FOLR2: variants seen among roughly 807,000 people sequenced by gnomAD.
FOLR2 encodes the protein folate receptor beta.
In FOLR2, 14 loss-of-function variants were observed where a neutral mutation model predicts 20.4. The ratio of observed to expected loss-of-function variants is 0.68; its 90% CI spans 0.45 to 1.07. FOLR2 has a LOEUF of 1.07. FOLR2 is among the 50% of genes least tolerant of loss of function. The pLI is 0.00. For missense variants in FOLR2, 269 were observed against 322.6 expected (o/e 0.83, Z 1.27); for synonymous variants, 114 against 114.3 (o/e 1.00, Z 0.02).
chr11:72,221,337 GA>G (rs1204978034), intron 4 of FOLR2, 26 bp downstream of exon 4: 5 of 1,607,176 alleles, frequency 3.1e-6, no homozygotes, highest in Non-Finnish European at 4.3e-6. Flanking sequence ...TTGGGGTTAG[GA>G]AAAAGGAGAT....
In FOLR2 at chr11:72,216,945, G is replaced by C. The variant is rs372642282; in HGVS notation, c.-25+20G>C. 60 of 1,599,322 alleles carry C rather than the reference G, an allele frequency of 3.8e-5. No individual in the cohort carries two copies. The highest frequency in any genetic ancestry group is 4.8e-5 in the Non-Finnish European group (57 of 1,179,684). On this transcript the variant is annotated intron_variant, in intron 1 of 4. Coordinates refer to ENST00000298223, the MANE Select transcript of FOLR2 (RefSeq NM_000803.5). ...GTTCAGGCAAGATGCCCGAAGGAGG[G>C]AAGGGTGACAAGGGCAGTGGGGAGA...
intron 2 of FOLR2, 99 bp from the exon 3 acceptor site, chr11:72,220,771 C>G: frequency 6.7e-7 from 1 of 1,487,946 alleles, no homozygotes; most frequent in East Asian, 2.4e-5. Context: ...GGACAACCTG[C>G]CTAGGGCAGA....
chr11:72,220,141 C>A (rs1035870583), intron 2 of FOLR2, among the ~76,000 whole-genome samples: 2 of 152,162 alleles, frequency 1.3e-5, no homozygotes, highest in Non-Finnish European at 2.9e-5. Context: ...CCACGCCCAG[C>A]CTGGCTTTTG....
In FOLR2 at chr11:72,221,202, C is replaced by G; in HGVS notation, c.366C>G (p.Arg122=). The change falls in exon 4 of 5, where the codon CGC becomes CGG. Residue 122 remains arginine (R), a synonymous_variant. Transcript: ENST00000298223. ...TGAATCAGAGCTGGCGCAAAGAACG[C>G]TTCCTGGATGTGCCCTTATGCAAAG... ...QQVNQSWRKE[R]FLDVPLCKED... is the part of the protein sequence containing the mutation. 1 of 1,613,298 alleles carries G rather than the reference C, an allele frequency of 6.2e-7. No homozygotes were observed. Among genetic ancestry groups the G allele is most frequent in the South Asian group, 1.1e-5 (1 of 90,922 alleles).
Position 72,220,907 on chromosome 11 carries a change from G to A in FOLR2, c.188G>A (p.Ser63Asn), listed in dbSNP as rs201333565. The A allele has an allele frequency of 1.9e-6, 3 of 1,613,924 alleles. No homozygotes were observed. Among genetic ancestry groups the A allele is most frequent in the Non-Finnish European group, 2.5e-6 (3 of 1,179,890 alleles). ...PWKKNACCTA[S>N]TSQELHKDTS... ...AAGAAGAATGCCTGCTGCACAGCCAGCACCAGCCAGGAGCTGCACAAGGAC... is the reference window on the plus strand; with the variant it reads ...AAGAAGAATGCCTGCTGCACAGCCAACACCAGCCAGGAGCTGCACAAGGAC... Residue 63 changes from serine to asparagine, a missense_variant, in exon 3 of 5, where the codon AGC becomes AAC. Coordinates refer to ENST00000298223, the MANE Select transcript of FOLR2 (RefSeq NM_000803.5).
intron 2 of FOLR2, among the ~76,000 whole-genome samples, chr11:72,219,980 T>C (rs1344591545): frequency 6.6e-6 from 1 of 152,044 alleles, no homozygotes; most frequent in African/African-American, 2.4e-5. Context: ...CCCAAGTAGC[T>C]GGGGCACCCG....
At position 72,221,619 on chromosome 11, in the gene FOLR2, G is replaced by T. The variant is rs762440909; in HGVS notation, c.625G>T (p.Asp209Tyr). 6.2e-7 allele frequency: 1 copy of T among 1,614,198 alleles called. No individual in the cohort carries two copies. Among genetic ancestry groups the T allele is most frequent in the South Asian group, 1.1e-5 (1 of 91,084 alleles). Residue 209 changes from aspartate (D) to tyrosine (Y), a missense_variant, in exon 5 of 5, where the codon GAT becomes TAT. By Grantham distance (160) the Asp-to-Tyr change is radical. Transcript: ENST00000298223. The stretch of plus-strand genomic sequence containing the variant: ...CGGCCGCTGCATCCAGATGTGGTTT[G>T]ATTCAGCCCAGGGCAACCCCAACGA... Reference protein sequence around the residue: ...GSGRCIQMWFDSAQGNPNEEV... With the variant: ...GSGRCIQMWFYSAQGNPNEEV...
chr11:72,218,364 C>G (rs1487730834), intron 1 of FOLR2, among the ~76,000 whole-genome samples, 197 bp from the exon 2 acceptor site: 1 of 152,212 alleles, frequency 6.6e-6, no homozygotes, highest in Non-Finnish European at 1.5e-5. Flanking sequence ...TTCTCCTGAG[C>G]CTTTAAAGCC....
intron 2 of FOLR2, 62 bp downstream of exon 2, chr11:72,218,796 G>C (rs1948436279): frequency 1.4e-6 from 2 of 1,443,948 alleles, no homozygotes; most frequent in East Asian, 4.8e-5. Context: ...GAGAAAGTCA[G>C]GATGGTGGGA....
Position 72,221,160 on chromosome 11 carries a change from C to T in FOLR2, c.340-16C>T, listed in dbSNP as rs1404546590. 7.5e-6 allele frequency: 12 copies of T among 1,609,284 alleles called. No homozygotes were observed. The highest frequency in any genetic ancestry group is 1.0e-5 in the Non-Finnish European group (12 of 1,178,122). ...CCCTGGCTGAGAGGAGCCCTGCCTCCCCACCTCCCACCCAGGTGAATCAGA... is the reference window on the plus strand; with the variant it reads ...CCCTGGCTGAGAGGAGCCCTGCCTCTCCACCTCCCACCCAGGTGAATCAGA... On this transcript the variant is annotated splice_polypyrimidine_tract_variant and intron_variant, in intron 3 of 4. Coordinates refer to ENST00000298223, the MANE Select transcript of FOLR2 (RefSeq NM_000803.5).
At chr11:72,218,290 T>C (rs1473661052) in intron 1 of FOLR2, among the ~76,000 whole-genome samples, 1 of 152,166 alleles carries the variant, frequency 6.6e-6, no homozygotes, top group African/African-American at 2.4e-5. Flanking sequence ...AGAGAAAAGG[T>C]GAGGGCGCAA....
At chr11:72,218,011 T>C (rs1217157444) in intron 1 of FOLR2, among the ~76,000 whole-genome samples, 7 of 152,174 alleles carry the variant, frequency 4.6e-5, no homozygotes. Context: ...AAAACACTGC[T>C]CTTTCCATTT....
At chr11:72,220,834 T>G (rs1308538180) in intron 2 of FOLR2, 36 bp from the exon 3 acceptor site, 2 of 1,612,826 alleles carry the variant, frequency 1.2e-6, no homozygotes, top group South Asian at 2.2e-5. Flanking sequence ...GAGGAGGGTA[T>G]GGGGAGGCAC....
intron 1 of FOLR2, 91 bp downstream of exon 1, chr11:72,217,016 A>G: frequency 2.5e-6 from 3 of 1,180,726 alleles, no homozygotes; most frequent in South Asian, 2.6e-5. Flanking sequence ...TTCTTTCTGT[A>G]TTGTATTGTA....
intron 2 of FOLR2, among the ~76,000 whole-genome samples, chr11:72,219,170 C>T (rs1948443104): frequency 6.6e-6 from 1 of 152,112 alleles, no homozygotes; most frequent in Non-Finnish European, 1.5e-5. Context: ...GGGTGACAGA[C>T]TAGGGAGTCG....
At chr11:72,221,120 G>A (rs998532093) in intron 3 of FOLR2, 56 bp from the exon 4 acceptor site, 14 of 1,355,518 alleles carry the variant, frequency 1.0e-5, no homozygotes, top group Middle Eastern at 2.0e-4. Context: ...ACTTCAAGGC[G>A]ATGGCTGCCA....
chr11:72,218,817 G>C, intron 2 of FOLR2, 83 bp downstream of exon 2: 1 of 1,187,988 alleles, frequency 8.4e-7, no homozygotes, highest in Non-Finnish European at 1.2e-6. Flanking sequence ...GAGGGATTGA[G>C]GGGTCAGATA....
Position 72,221,548 on chromosome 11 carries a change from G to T in FOLR2, c.554G>T (p.Gly185Val). Residue 185 changes from glycine (G) to valine (V), a missense_variant, in exon 5 of 5, where the codon GGC (glycine) becomes GTC (valine). Coordinates refer to ENST00000298223, the MANE Select transcript of FOLR2 (RefSeq NM_000803.5). Reference protein sequence around the residue: ...YFPTPAALCEGLWSHSYKVSN... With the variant: ...YFPTPAALCEVLWSHSYKVSN... ...CCCACTCCAGCTGCCCTTTGTGAAG[G>T]CCTCTGGAGTCACTCATACAAGGTC... The T allele has an allele frequency of 6.2e-7, 1 of 1,614,054 alleles. No homozygotes were observed. Among genetic ancestry groups the T allele is most frequent in the Non-Finnish European group, 8.5e-7 (1 of 1,179,982 alleles).
Position 72,218,588 on chromosome 11 carries a change from G to A in FOLR2, c.4G>A (p.Val2Ile), listed in dbSNP as rs1198527036. M[V>I]WKWMPLLLLL... ...CCGCCTGCAGGGACAGAAAGACATGGTCTGGAAATGGATGCCACTTCTGCT... is the reference window on the plus strand; with the variant it reads ...CCGCCTGCAGGGACAGAAAGACATGATCTGGAAATGGATGCCACTTCTGCT... Residue 2 changes from valine to isoleucine, a missense_variant, in exon 2 of 5, where the codon GTC becomes ATC. By Grantham distance (29) the Val-to-Ile change is conservative. Transcript: ENST00000298223. 6.2e-7 allele frequency: 1 copy of A among 1,613,196 alleles called. No individual in the cohort carries two copies. The highest frequency in any genetic ancestry group is 2.2e-5 in the East Asian group (1 of 44,862).
Sources: gnomAD v4.1 joint callset for allele counts (sites outside exome capture counted in the v4.1 genomes callset) on GRCh38, gnomAD v4.1.1 for gene constraint, MANE v1.5 for transcripts, NCBI Gene and HGNC (gene_info 2026-07-23, HGNC 2026-07-21) for gene names.